FNBP1L: variants seen among roughly 807,000 people sequenced by gnomAD.
FNBP1L encodes formin-binding protein 1-like.
A neutral mutation model predicts 91.2 loss-of-function variants in FNBP1L; 36 were observed. That is an observed-to-expected ratio of 0.39 (90% CI 0.30 to 0.52). The LOEUF is 0.52. Ranked by LOEUF, FNBP1L falls within the 20% of genes least tolerant of loss-of-function variation. The pLI is 0.66. For synonymous variants in FNBP1L, 242 were observed against 237.0 expected (o/e 1.02, Z -0.19); for missense variants, 571 against 732.1 (o/e 0.78, Z 2.54).
At chr1:93,537,475 A>G (rs905112709) in intron 10 of FNBP1L, among the ~76,000 whole-genome samples, 1 of 151,946 alleles carries the variant, frequency 6.6e-6, no homozygotes, top group African/African-American at 2.4e-5. Context: ...AGAACAAGAT[A>G]TATTAGTTTA....
chr1:93,511,582 C>T (rs1670844054), intron 2 of FNBP1L, among the ~76,000 whole-genome samples: 1 of 152,108 alleles, frequency 6.6e-6, no homozygotes, highest in Non-Finnish European at 1.5e-5. Flanking sequence ...ATCATAATGA[C>T]AGGATCAAAT....
chr1:93,527,189 T>C (rs1028677806), intron 5 of FNBP1L, among the ~76,000 whole-genome samples: 2 of 152,212 alleles, frequency 1.3e-5, no homozygotes, highest in African/African-American at 4.8e-5. Context: ...CAAACTGAAC[T>C]ACGAAACCTC....
chr1:93,523,362 C>CT lies in FNBP1L; in HGVS notation c.219dup (p.Asn74Ter). 6.2e-7 allele frequency: 1 copy of CT among 1,604,322 alleles called. No individual in the cohort carries two copies. Among genetic ancestry groups the CT allele is most frequent in the Non-Finnish European group, 8.5e-7 (1 of 1,175,684 alleles). On this transcript the variant is annotated frameshift_variant, in exon 4 of 17. Transcript: ENST00000271234. LOFTEE classifies it high-confidence loss of function. The stretch of plus-strand genomic sequence containing the variant: ...TTGCCAGGTTTACCTCGTGTGTAGC[C>CT]TTTTTTAATATCCTTAATGAGTTAA...
chr1:93,518,043 T>C (rs1012692254), intron 2 of FNBP1L, among the ~76,000 whole-genome samples: 21 of 152,226 alleles, frequency 1.4e-4, no homozygotes, highest in Non-Finnish European at 2.8e-4. Context: ...TGTCAAGTAA[T>C]ACATGTATGA....
chr1:93,509,076 C>T (rs1489751664), intron 2 of FNBP1L, among the ~76,000 whole-genome samples: 1 of 152,116 alleles, frequency 6.6e-6, no homozygotes, highest in Non-Finnish European at 1.5e-5. Flanking sequence ...TACTCCTGGA[C>T]CTTAATATGT....
chr1:93,550,959 G>A lies in FNBP1L; in HGVS notation c.1664G>A (p.Gly555Asp). Residue 555 changes from glycine to aspartate, a missense_variant, in exon 16 of 17, where the codon GGT becomes GAT. Physicochemically the swap from Gly to Asp is moderately conservative, Grantham distance 94. This residue lies in a region of FNBP1L where 189 missense variants were observed against 219.7 expected (regional missense o/e 0.86). Coordinates refer to ENST00000271234, the MANE Select transcript of FNBP1L (RefSeq NM_001164473.3). ...AACTCTCATCTAGGACATAATGAAGGTACTCTAGCAATGAAAGAAGGTGAA... is the reference window on the plus strand; with the variant it reads ...AACTCTCATCTAGGACATAATGAAGATACTCTAGCAATGAAAGAAGGTGAA... The part of the protein sequence containing the change: ...AIYPFDGHNE[G>D]TLAMKEGEVL... The A allele has an allele frequency of 6.3e-7, 1 of 1,588,198 alleles. No homozygotes were observed. The highest frequency in any genetic ancestry group is 1.1e-5 in the South Asian group (1 of 87,468).
intron 1 of FNBP1L, among the ~76,000 whole-genome samples, chr1:93,448,672 TG>T: frequency 6.6e-6 from 1 of 151,916 alleles, no homozygotes; most frequent in Non-Finnish European, 1.5e-5. Context: ...TCTCTTCCTT[TG>T]TATCTCTCCT....
chr1:93,499,338 G>GCT (rs910512292), intron 1 of FNBP1L, 130 bp from the exon 2 acceptor site: 5 of 647,842 alleles, frequency 7.7e-6, no homozygotes, highest in African/African-American at 7.5e-5. Context: ...AAGTGGGGGA[G>GCT]CTAGTAGAAG....
At chr1:93,469,639 G>A (rs1193447205) in intron 1 of FNBP1L, among the ~76,000 whole-genome samples, 2 of 152,018 alleles carry the variant, frequency 1.3e-5, no homozygotes, top group Non-Finnish European at 2.9e-5. Flanking sequence ...AAATTTCTGT[G>A]GTAGTATGTA....
chr1:93,499,523 GAT>G lies in FNBP1L; in HGVS notation c.83_84del (p.Tyr28CysfsTer5). 6.2e-7 allele frequency: 1 copy of G among 1,606,502 alleles called. No individual in the cohort carries two copies. The highest frequency in any genetic ancestry group is 8.5e-7 in the Non-Finnish European group (1 of 1,176,740). On this transcript the variant is annotated frameshift_variant, in exon 2 of 17. Coordinates refer to ENST00000271234, the MANE Select transcript of FNBP1L (RefSeq NM_001164473.3). LOFTEE classifies it high-confidence loss of function. The stretch of plus-strand genomic sequence containing the variant: ...CAATGGGGAATTGACTTCTTGGAAA[GAT>G]ATGCCAAATTTGTTAAAGAGAGGAT...
intron 16 of FNBP1L, chr1:93,552,207 C>T: frequency 7.4e-7 from 1 of 1,357,034 alleles, no homozygotes; most frequent in Non-Finnish European, 9.5e-7. Flanking sequence ...CACCCTGAGT[C>T]AGTGGTGTGG....
At position 93,552,704 on chromosome 1, in the gene FNBP1L, G is replaced by A; in HGVS notation, c.*288G>A. 1 of 326,424 alleles carries A rather than the reference G, an allele frequency of 3.1e-6. No homozygotes were observed. Among genetic ancestry groups the A allele is most frequent in the Non-Finnish European group, 5.5e-6 (1 of 181,292 alleles). The allele number at this position is 326,424 out of a possible 1,614,324, so 20.2% of individuals were successfully genotyped here. ...ATTTTATTGCTGTCTAATCAATAAA[G>A]AATGCAGAGCTGTCAAAAAATGTGT... On this transcript the variant is annotated 3_prime_UTR_variant, in exon 17 of 17. Coordinates refer to ENST00000271234, the MANE Select transcript of FNBP1L (RefSeq NM_001164473.3).
chr1:93,473,055 T>G (rs998697836), intron 1 of FNBP1L, among the ~76,000 whole-genome samples: 2 of 152,102 alleles, frequency 1.3e-5, no homozygotes, highest in Non-Finnish European at 2.9e-5. Flanking sequence ...TGTTAGCAAA[T>G]GTATAGGATT....
At position 93,534,905 on chromosome 1, in the gene FNBP1L, A is replaced by C. The variant is rs756831876; in HGVS notation, c.987A>C (p.Pro329=). ...KGKLWLFGKK[P]KPQSPPLTPT... is the part of the protein sequence containing the mutation. ...AATTGTGGCTCTTTGGAAAGAAGCC[A>C]AAGGTAAAAGTCATAAAATTCCTAT... Residue 329 remains proline, a synonymous_variant, in exon 9 of 17, where the codon CCA becomes CCC. Coordinates refer to ENST00000271234, the MANE Select transcript of FNBP1L (RefSeq NM_001164473.3). The C allele has an allele frequency of 6.4e-7, 1 of 1,562,030 alleles. No homozygotes were observed. The highest frequency in any genetic ancestry group is 8.7e-7 in the Non-Finnish European group (1 of 1,152,416).
chr1:93,520,408 G>A (rs117539264), intron 2 of FNBP1L, among the ~76,000 whole-genome samples: 1 of 152,242 alleles, frequency 6.6e-6, no homozygotes, highest in East Asian at 1.9e-4. Context: ...ACCAGTTTTA[G>A]TTTCCAATCC....
chr1:93,473,986 T>C (rs1669399334), intron 1 of FNBP1L, among the ~76,000 whole-genome samples: 4 of 152,158 alleles, frequency 2.6e-5, no homozygotes, highest in African/African-American at 7.2e-5. Context: ...AACTTGGATT[T>C]CTAATCCTAG....
chr1:93,521,416 A>G (rs1671323710), intron 2 of FNBP1L, among the ~76,000 whole-genome samples: 5 of 152,090 alleles, frequency 3.3e-5, no homozygotes. Flanking sequence ...AAGCGATGGT[A>G]TTTCTTTGAA....
At chr1:93,482,827 G>A (rs1669756924) in intron 1 of FNBP1L, among the ~76,000 whole-genome samples, 1 of 152,004 alleles carries the variant, frequency 6.6e-6, no homozygotes, top group Non-Finnish European at 1.5e-5. Context: ...AGACCATCCT[G>A]ACTAACACGG....
intron 2 of FNBP1L, among the ~76,000 whole-genome samples, chr1:93,511,405 T>A (rs1286609726): frequency 2.0e-5 from 3 of 152,178 alleles, no homozygotes; most frequent in African/African-American, 7.2e-5. Flanking sequence ...AAGCAAATGC[T>A]GAGAGATTTT....
Sources: gnomAD v4.1 joint callset for allele counts (sites outside exome capture counted in the v4.1 genomes callset) on GRCh38, gnomAD v4.1.1 for gene constraint, gnomAD v4.1.1 regional missense constraint, MANE v1.5 for transcripts, NCBI Gene and HGNC (gene_info 2026-07-23, HGNC 2026-07-21) for gene names.